Variants in EIF3J observed in about 807,000 individuals in gnomAD.
The protein encoded by EIF3J is eukaryotic translation initiation factor 3, subunit 1 (alpha, 35kD).
A neutral mutation model predicts 39.0 loss-of-function variants in EIF3J; 15 were observed. The observed-to-expected ratio is 0.38, with a 90% confidence interval of 0.26 to 0.59. The LOEUF is 0.59. EIF3J is among the 20% of genes least tolerant of loss of function. The pLI, the probability that EIF3J is intolerant of heterozygous loss-of-function variation, is 0.60. For synonymous variants in EIF3J, 98 were observed against 112.9 expected, an observed-to-expected ratio of 0.87 and a Z score of 0.84; for missense variants, 226 against 308.6, an observed-to-expected ratio of 0.73 and a Z score of 2.00.
intron 4 of EIF3J, among the ~76,000 whole-genome samples, chr15:44,553,712 T>G (rs2082120355): frequency 2.6e-5 from 4 of 152,292 alleles, no homozygotes; most frequent in Middle Eastern, 6.8e-3. Context: ...GTCTGTAAAT[T>G]TATTTGAAAT....
At chr15:44,560,578 T>C (rs1287993055) in intron 7 of EIF3J, 1 of 430,640 alleles carries the variant, frequency 2.3e-6, no homozygotes, top group Non-Finnish European at 4.1e-6. Context: ...TTAATAGGTA[T>C]AGGTAAATCA....
At chr15:44,549,971 C>G (rs2140896649) in intron 2 of EIF3J, among the ~76,000 whole-genome samples, 1 of 150,904 alleles carries the variant, frequency 6.6e-6, no homozygotes, top group South Asian at 2.1e-4. Context: ...AAAAAAAAGT[C>G]TGGTAAATTT....
rs1057315760 is a variant in EIF3J at position 44,561,297 on chromosome 15, T to G, written c.*148T>G. On this transcript the variant is annotated 3_prime_UTR_variant, in exon 8 of 8. Transcript: ENST00000261868. ...GTTATTTAACCCCTTGACACTTAGG[T>G]GCTAATGTGCAAATGAGGGAACTTG... The G allele has an allele frequency of 6.6e-6, 6 of 909,828 alleles. No individual in the cohort carries two copies. The highest frequency in any genetic ancestry group is 3.8e-4 in the Middle Eastern group (1 of 2,632). 56.4% of individuals were successfully genotyped at this position (909,828 alleles called of 1,614,324 possible).
rs2082209623 is a variant in EIF3J at position 44,562,364 on chromosome 15, A to C, written c.*1215A>C. ...AAGAACTATTTATTTGGAGTAACTG[A>C]GCCTGTAACTCAGGTTTATGGCTGT... On this transcript the variant is annotated 3_prime_UTR_variant, in exon 8 of 8. Transcript: ENST00000261868. 6.6e-6 allele frequency: 1 copy of C among 152,606 alleles called. No homozygotes were observed. The highest frequency in any genetic ancestry group is 2.4e-5 in the African/African-American group (1 of 41,440). The allele number at this position is 152,606 out of a possible 1,614,324, so 9.5% of individuals were successfully genotyped here.
intron 2 of EIF3J, among the ~76,000 whole-genome samples, chr15:44,540,063 C>T (rs903136827): frequency 8.0e-5 from 12 of 150,208 alleles, no homozygotes; most frequent in Non-Finnish European, 1.6e-4. Context: ...CTCAGCCTCC[C>T]GAGTAGCTGG....
chr15:44,539,414 CT>C (rs904672708), intron 2 of EIF3J, among the ~76,000 whole-genome samples: 6 of 145,228 alleles, frequency 4.1e-5, no homozygotes, highest in Non-Finnish European at 6.1e-5. Flanking sequence ...TCCAGTTGCT[CT>C]TTTTTTTTTG....
chr15:44,547,478 G>A (rs2082064306), intron 2 of EIF3J, among the ~76,000 whole-genome samples: 2 of 121,630 alleles, frequency 1.6e-5, no homozygotes, highest in Non-Finnish European at 3.2e-5. Flanking sequence ...ACGAAGTCTC[G>A]CCGCACTGTC....
At chr15:44,539,746 T>G (rs1390642939) in intron 2 of EIF3J, among the ~76,000 whole-genome samples, 1 of 150,194 alleles carries the variant, frequency 6.7e-6, no homozygotes, top group Non-Finnish European at 1.5e-5. Context: ...TTTTTTTTTT[T>G]TTTTAACTTA....
At chr15:44,543,090 T>C (rs1424558786) in intron 2 of EIF3J, among the ~76,000 whole-genome samples, 1 of 152,228 alleles carries the variant, frequency 6.6e-6, no homozygotes, top group East Asian at 1.9e-4. Flanking sequence ...GGGCATATTT[T>C]TTGAAGCAGC....
At chr15:44,545,992 G>C (rs1271974449) in intron 2 of EIF3J, among the ~76,000 whole-genome samples, 1 of 152,158 alleles carries the variant, frequency 6.6e-6, no homozygotes, top group Non-Finnish European at 1.5e-5. Flanking sequence ...TCTCAGAAGG[G>C]TTTTAAATAT....
rs190849266 is a variant in EIF3J at position 44,539,076 on chromosome 15, G to C, written c.147+1649G>C. Among the ~76,000 whole-genome samples, 1,360 of 150,884 alleles carry C rather than the reference G, an allele frequency of 9.0e-3. 27 individuals carry two copies. The highest frequency in any genetic ancestry group is 0.032 in the African/African-American group (1,323 of 40,960). On this transcript the variant is annotated intron_variant, in intron 2 of 7. Transcript: ENST00000261868. ...AGTTTCGCTCTTGTTGCCCAGGCTGGAGTGCAATGGCGCGATCTTGGCTCA... is the reference window on the plus strand; with the variant it reads ...AGTTTCGCTCTTGTTGCCCAGGCTGCAGTGCAATGGCGCGATCTTGGCTCA...
intron 2 of EIF3J, among the ~76,000 whole-genome samples, chr15:44,545,086 A>G (rs754393233): frequency 8.5e-5 from 13 of 152,140 alleles, no homozygotes; most frequent in Admixed American, 4.6e-4. Flanking sequence ...CTAGCTGGGC[A>G]TATCTTAATA....
At chr15:44,552,692 C>G (rs2082110302) in intron 4 of EIF3J, among the ~76,000 whole-genome samples, 1 of 151,950 alleles carries the variant, frequency 6.6e-6, no homozygotes, top group African/African-American at 2.4e-5. Context: ...CTTCGAGTAG[C>G]TGGGACTGCA....
At chr15:44,555,494 C>T (rs528056263) in intron 5 of EIF3J, among the ~76,000 whole-genome samples, 4 of 152,262 alleles carry the variant, frequency 2.6e-5, no homozygotes, top group Admixed American at 2.6e-4. Flanking sequence ...CCTTATCTGT[C>T]AGTGGATCTG....
chr15:44,539,192 A>AATTTTGT (rs1033788708), intron 2 of EIF3J, among the ~76,000 whole-genome samples: 2 of 151,172 alleles, frequency 1.3e-5, no homozygotes, highest in African/African-American at 4.9e-5. Flanking sequence ...ACGCCTGGCT[A>AATTTTGT]ATTTTGTATT....
At chr15:44,553,741 G>A (rs1161983457) in intron 4 of EIF3J, among the ~76,000 whole-genome samples, 1 of 152,082 alleles carries the variant, frequency 6.6e-6, no homozygotes, top group Admixed American at 6.6e-5. Flanking sequence ...ATACTCTAAT[G>A]TACATTCTTG....
chr15:44,544,668 C>A (rs1478332318), intron 2 of EIF3J, among the ~76,000 whole-genome samples: 3 of 140,054 alleles, frequency 2.1e-5, no homozygotes, highest in African/African-American at 8.1e-5. Flanking sequence ...CGTGCCATTG[C>A]ACTCCAGCCT....
At chr15:44,560,058 G>A (rs1377817655) in intron 6 of EIF3J, among the ~76,000 whole-genome samples, 191 bp from the exon 7 acceptor site, 3 of 152,078 alleles carry the variant, frequency 2.0e-5, no homozygotes, top group Non-Finnish European at 4.4e-5. Flanking sequence ...GCCACCTTAC[G>A]TTTAAAGAGG....
chr15:44,540,571 C>T (rs1000148243), intron 2 of EIF3J, among the ~76,000 whole-genome samples: 14 of 151,702 alleles, frequency 9.2e-5, no homozygotes, highest in African/African-American at 3.4e-4. Context: ...CTGCACCTGG[C>T]CTATTTATTT....
Sources: allele counts gnomAD v4.1 joint callset (sites outside exome capture counted in the v4.1 genomes callset), GRCh38; gene constraint gnomAD v4.1.1; transcripts MANE v1.5; gene names NCBI Gene and HGNC (gene_info 2026-07-23, HGNC 2026-07-21).